DLG2: variants seen among roughly 807,000 people sequenced by gnomAD.
DLG2 encodes discs large MAGUK scaffold protein 2, also known as disks large homolog 2.
Under a neutral mutation model 132.5 loss-of-function variants are expected in DLG2, and 45 were observed. The observed-to-expected ratio is 0.34, with a 90% CI of 0.27 to 0.44. The LOEUF (loss-of-function observed/expected upper bound fraction) is 0.44, where lower values mean the gene tolerates loss of function less well. Among genes scored for constraint, DLG2 ranks in the 20% least tolerant of loss-of-function variants. DLG2 has a pLI of 1.00. For missense variants in DLG2, 1,045 were observed against 1,196.9 expected, an observed-to-expected ratio of 0.87 and a Z score of 1.87; for synonymous variants, 424 against 419.6, an observed-to-expected ratio of 1.01 and a Z score of -0.13.
intron 6 of DLG2, among the ~76,000 whole-genome samples, chr11:85,082,503 A>G (rs1450480801): frequency 6.6e-6 from 1 of 152,096 alleles, no homozygotes; most frequent in Non-Finnish European, 1.5e-5. Context: ...ATGACTGTTT[A>G]AACTCCACCA....
intron 6 of DLG2, among the ~76,000 whole-genome samples, chr11:84,734,170 T>G (rs940083036): frequency 2.3e-4 from 35 of 152,186 alleles, no homozygotes; most frequent in Non-Finnish European, 1.6e-4. Context: ...TCCAATTCTG[T>G]GAAGAAAGTC....
intron 8 of DLG2, among the ~76,000 whole-genome samples, chr11:84,222,662 G>T (rs1034512706): frequency 1.3e-5 from 2 of 152,124 alleles, no homozygotes; most frequent in African/African-American, 4.8e-5. Context: ...CTGAGAACCT[G>T]AGGCTCACCT....
chr11:83,770,170 C>G (rs2094327155), intron 18 of DLG2, among the ~76,000 whole-genome samples: 1 of 151,626 alleles, frequency 6.6e-6, no homozygotes, highest in Non-Finnish European at 1.5e-5. Flanking sequence ...TGATGCTAAT[C>G]TTGTCCCTAA....
At chr11:84,765,990 T>C (rs958037443) in intron 6 of DLG2, among the ~76,000 whole-genome samples, 14 of 152,022 alleles carry the variant, frequency 9.2e-5, no homozygotes, top group African/African-American at 3.4e-4. Context: ...CAAACAAGTA[T>C]TCCCACAATA....
chr11:84,729,584 G>A (rs917290177), intron 6 of DLG2, among the ~76,000 whole-genome samples: 6 of 151,608 alleles, frequency 4.0e-5, no homozygotes, highest in East Asian at 1.9e-4. Context: ...TCTGTTCACC[G>A]TAATTTCTAA....
intron 8 of DLG2, among the ~76,000 whole-genome samples, chr11:84,229,561 G>A (rs897935203): frequency 1.3e-5 from 2 of 152,164 alleles, no homozygotes; most frequent in African/African-American, 4.8e-5. Flanking sequence ...TTAAAATGCA[G>A]GGATCTTGTT....
intron 3 of DLG2, among the ~76,000 whole-genome samples, chr11:85,552,950 C>T (rs1260760982): frequency 6.6e-6 from 1 of 151,584 alleles, no homozygotes; most frequent in Non-Finnish European, 1.5e-5. Flanking sequence ...AAGAAATCCA[C>T]ACTGGATACA....
intron 3 of DLG2, among the ~76,000 whole-genome samples, chr11:85,583,122 GTGTGTGTGTA>G (rs1433399498): frequency 2.6e-4 from 13 of 49,170 alleles, no homozygotes; most frequent in Admixed American, 4.5e-4. Flanking sequence ...GTGTGTGTGT[GTGTGTGTGTA>G]TATATATATA....
At chr11:85,204,399 C>T (rs913462031) in intron 4 of DLG2, among the ~76,000 whole-genome samples, 1 of 152,008 alleles carries the variant, frequency 6.6e-6, no homozygotes, top group African/African-American at 2.4e-5. Context: ...TGCAATCAAT[C>T]TGAAAAAGAA....
At chr11:84,559,172 G>T (rs919047737) in intron 6 of DLG2, among the ~76,000 whole-genome samples, 6 of 152,068 alleles carry the variant, frequency 3.9e-5, no homozygotes, top group African/African-American at 1.2e-4. Context: ...TTTCCTATCA[G>T]TATGTAGAGT....
intron 6 of DLG2, among the ~76,000 whole-genome samples, chr11:85,087,856 A>AC (rs1469669141): frequency 6.8e-6 from 1 of 148,082 alleles, no homozygotes; most frequent in African/African-American, 2.4e-5. Context: ...AAAAAAAAAA[A>AC]AAAAAAAAAA....
intron 6 of DLG2, among the ~76,000 whole-genome samples, chr11:84,883,335 G>A (rs569963945): frequency 1.6e-4 from 24 of 152,118 alleles, no homozygotes; most frequent in Middle Eastern, 6.8e-3. Context: ...GGGAGGGATA[G>A]CATTAAGACA....
At chr11:84,208,453 C>G (rs1423216258) in intron 8 of DLG2, among the ~76,000 whole-genome samples, 1 of 150,572 alleles carries the variant, frequency 6.6e-6, no homozygotes, top group African/African-American at 2.4e-5. Context: ...AAGTGATTCT[C>G]CTGCCTCAGC....
chr11:84,731,705 T>G (rs1410687513), intron 6 of DLG2, among the ~76,000 whole-genome samples: 1 of 152,018 alleles, frequency 6.6e-6, no homozygotes, highest in Non-Finnish European at 1.5e-5. Context: ...AGATTATATT[T>G]AAAATGTTTG....
At chr11:84,900,046 G>A (rs750827637) in intron 6 of DLG2, among the ~76,000 whole-genome samples, 1 of 152,020 alleles carries the variant, frequency 6.6e-6, no homozygotes, top group African/African-American at 2.4e-5. Context: ...AGATCATTAA[G>A]AATATTTCCT....
At chr11:83,723,727 A>T (rs143878439) in intron 18 of DLG2, among the ~76,000 whole-genome samples, 2,835 of 152,032 alleles carry the variant, frequency 0.019, 99 homozygotes, top group African/African-American at 0.064. Context: ...ATGGTGGCAC[A>T]TGGCTGTAGT....
At chr11:85,465,885 A>T (rs1264239627) in intron 3 of DLG2, among the ~76,000 whole-genome samples, 1 of 151,948 alleles carries the variant, frequency 6.6e-6, no homozygotes, top group Non-Finnish European at 1.5e-5. Context: ...CGCCACACTG[A>T]CTTCCACAAT....
intron 11 of DLG2, among the ~76,000 whole-genome samples, chr11:84,036,551 C>A (rs1290204347): frequency 6.6e-6 from 1 of 152,122 alleles, no homozygotes; most frequent in East Asian, 1.9e-4. Context: ...CTTTCACAAT[C>A]AACTATTACA....
intron 6 of DLG2, among the ~76,000 whole-genome samples, chr11:85,031,255 AG>A (rs2060978271): frequency 6.6e-6 from 1 of 151,976 alleles, no homozygotes; most frequent in Non-Finnish European, 1.5e-5. Flanking sequence ...TCTTTCAATT[AG>A]TTTGCTATTT....
Sources: allele counts gnomAD v4.1 joint callset (sites outside exome capture counted in the v4.1 genomes callset), GRCh38; gene constraint gnomAD v4.1.1; transcripts MANE v1.5; gene names NCBI Gene and HGNC (gene_info 2026-07-23, HGNC 2026-07-21).